The following TLE7 variants were observed in gnomAD, a reference collection of about 807,000 sequenced individuals.
The protein encoded by TLE7 is TLE family member 7.
intron 9 of TLE7, 97 bp downstream of exon 9, chr16:71,430,571 A>C (rs1252185989): frequency 2.5e-6 from 1 of 397,758 alleles, no homozygotes; most frequent in African/African-American, 2.1e-5. Context: ...CTGCCATCTC[A>C]GAGGTGTTTT....
At chr16:71,433,447 G>C (rs1188225164) in intron 1 of TLE7, 27 bp from the exon 2 acceptor site, 1 of 397,670 alleles carries the variant, frequency 2.5e-6, no homozygotes, top group Admixed American at 4.4e-5. Flanking sequence ...AAGAGACGCA[G>C]CTATGCACAT....
intron 1 of TLE7, among the ~76,000 whole-genome samples, chr16:71,436,065 A>C (rs905780671): frequency 6.6e-6 from 1 of 152,172 alleles, no homozygotes; most frequent in African/African-American, 2.4e-5. Flanking sequence ...CTAGGAACAC[A>C]GAGCTCCCCA....
intron 1 of TLE7, among the ~76,000 whole-genome samples, chr16:71,439,058 C>T (rs1217861272): frequency 6.6e-6 from 1 of 152,200 alleles, no homozygotes; most frequent in African/African-American, 2.4e-5. Context: ...TCTTACTGAC[C>T]CCCGCTGTGC....
At chr16:71,441,731 C>G (rs997481024) in intron 1 of TLE7, among the ~76,000 whole-genome samples, 7 of 152,240 alleles carry the variant, frequency 4.6e-5, no homozygotes, top group South Asian at 2.1e-4. Flanking sequence ...TCCCCTGCCC[C>G]CTTCCAGACC....
intron 1 of TLE7, among the ~76,000 whole-genome samples, chr16:71,439,591 C>G (rs2042839546): frequency 6.6e-6 from 1 of 152,066 alleles, no homozygotes; most frequent in Admixed American, 6.6e-5. Context: ...AGACTGGAGG[C>G]TGGGAACCAG....
At chr16:71,441,141 C>T (rs2042846207) in intron 1 of TLE7, among the ~76,000 whole-genome samples, 2 of 152,256 alleles carry the variant, frequency 1.3e-5, no homozygotes, top group South Asian at 4.1e-4. Flanking sequence ...CAGTCACTCT[C>T]AGGAGCCCGC....
chr16:71,435,990 G>T (rs2042824670), intron 1 of TLE7, among the ~76,000 whole-genome samples: 2 of 152,108 alleles, frequency 1.3e-5, no homozygotes, highest in South Asian at 4.1e-4. Flanking sequence ...ATAAAACAAG[G>T]CTTTCTAGAA....
At chr16:71,440,112 C>T (rs1400856589) in intron 1 of TLE7, among the ~76,000 whole-genome samples, 1 of 152,228 alleles carries the variant, frequency 6.6e-6, no homozygotes, top group Non-Finnish European at 1.5e-5. Context: ...AAGGCCAATA[C>T]TGCATGATTC....
chr16:71,433,950 T>G (rs544102834), intron 1 of TLE7, among the ~76,000 whole-genome samples: 1 of 152,260 alleles, frequency 6.6e-6, no homozygotes, highest in Non-Finnish European at 1.5e-5. Context: ...AAAGCAAGAC[T>G]CCGTCTCAAA....
In TLE7 at chr16:71,431,052, C is replaced by T. The variant is rs1488821429; in HGVS notation, c.1147+69G>A. On this transcript the variant is annotated intron_variant, in intron 8 of 9. Transcript: ENST00000561754. This position sits in a 1 kb window ranked among gnomAD's most constrained non-coding sequence, Gnocchi z 4.5. ...AGCCAGAAAAGGAAAGGGGGGTGAACAGAGAAAGAAGAGACGACAGCAAGT... is the reference window on the plus strand; with the variant it reads ...AGCCAGAAAAGGAAAGGGGGGTGAATAGAGAAAGAAGAGACGACAGCAAGT... The T allele has an allele frequency of 7.5e-6, 3 of 400,406 alleles. No homozygotes were observed. The highest frequency in any genetic ancestry group is 1.3e-5 in the Non-Finnish European group (3 of 226,224). 24.8% of individuals were successfully genotyped at this position (400,406 alleles called of 1,614,324 possible). A position where few individuals can be genotyped will look rare whatever the true frequency, so the allele number is the denominator to read the frequency against.
intron 1 of TLE7, among the ~76,000 whole-genome samples, chr16:71,441,690 A>T (rs76475483): frequency 2.0e-5 from 3 of 152,202 alleles, no homozygotes. Flanking sequence ...CCCACCGCGC[A>T]GGGCGCAGAC....
In TLE7 at chr16:71,436,745, C is replaced by T. The variant is rs554286263; in HGVS notation, c.-96-3325G>A. On this transcript the variant is annotated intron_variant, in intron 1 of 9. Transcript: ENST00000561754. ...GGGACACGGGGCCGCTTTCCTCTTC[C>T]TCCCCTGCTCTGGCCTGAGCGTGCC... Among the ~76,000 whole-genome samples, 76 of 152,362 alleles carry T rather than the reference C, an allele frequency of 5.0e-4. 1 individual carries two copies. Among genetic ancestry groups the T allele is most frequent in the African/African-American group, 1.2e-3 (51 of 41,588 alleles).
chr16:71,436,099 T>A (rs1596986358), intron 1 of TLE7, among the ~76,000 whole-genome samples: 1 of 151,926 alleles, frequency 6.6e-6, no homozygotes, highest in African/African-American at 2.4e-5. Flanking sequence ...CAACTCTCTT[T>A]CCAAAGCCCC....
chr16:71,432,272 G>A lies in TLE7; in HGVS notation c.447C>T (p.Ser149=). ...VVRQKRAPQG[S]WKVGTLFHGK... ...CATGGAAGAGTGTGCCAACCTTCCA[G>A]GAGCCCTGTGGGGCCCTCTTCTGCC... Residue 149 remains serine (S), a synonymous_variant, in exon 5 of 10, where the codon TCC becomes TCT. Coordinates refer to ENST00000561754, the MANE Select transcript of TLE7 (RefSeq NM_001367365.2). 3 of 400,712 alleles carry A rather than the reference G, an allele frequency of 7.5e-6. No individual in the cohort carries two copies. Among genetic ancestry groups the A allele is most frequent in the Non-Finnish European group, 8.8e-6 (2 of 226,240 alleles). The allele number at this position is 400,712 out of a possible 1,614,324, so 24.8% of individuals were successfully genotyped here.
At chr16:71,435,789 T>C (rs1043959794) in intron 1 of TLE7, among the ~76,000 whole-genome samples, 2 of 152,214 alleles carry the variant, frequency 1.3e-5, no homozygotes, top group African/African-American at 4.8e-5. Context: ...TTAAATAATT[T>C]AACGCACTCT....
At chr16:71,438,440 A>AAAAG (rs1555529925) in intron 1 of TLE7, among the ~76,000 whole-genome samples, 78 of 131,388 alleles carry the variant, frequency 5.9e-4, no homozygotes, top group Non-Finnish European at 8.4e-4. Flanking sequence ...AAAAAAAAAA[A>AAAAG]AGAGAGAGAG....
Position 71,432,203 on chromosome 16 carries a change from G to C in TLE7, c.516C>G (p.His172Gln). 1 of 400,846 alleles carries C rather than the reference G, an allele frequency of 2.5e-6. No homozygotes were observed. The highest frequency in any genetic ancestry group is 4.4e-6 in the Non-Finnish European group (1 of 226,280). The allele number at this position is 400,846 out of a possible 1,614,324, so 24.8% of individuals were successfully genotyped here. The change falls in exon 5 of 10, where the codon CAC (histidine) becomes CAG (glutamine). Residue 172 changes from histidine to glutamine, a missense_variant. By Grantham distance (24) the His-to-Gln change is conservative. Transcript: ENST00000561754. ...TGTAGCCAGAGCCACACGTGTACAC[G>C]TGGTGGGTTGAGCCGCTGATGGCCA... ...YAVAISGSTH[H>Q]VYTCGSGYIR...
In TLE7 at chr16:71,431,829, G is replaced by T; in HGVS notation, c.783C>A (p.Ala261=). The T allele has an allele frequency of 2.5e-6, 1 of 400,752 alleles. No individual in the cohort carries two copies. The highest frequency in any genetic ancestry group is 3.6e-5 in the East Asian group (1 of 28,040). The allele number at this position is 400,752 out of a possible 1,614,324, so 24.8% of individuals were successfully genotyped here. Residue 261 remains alanine (A), a synonymous_variant, in exon 6 of 10, where the codon GCC becomes GCA. Coordinates refer to ENST00000561754, the MANE Select transcript of TLE7 (RefSeq NM_001367365.2). The surrounding 1 kb of genome is among the most constrained non-coding windows in gnomAD (Gnocchi z 4.5). ...CATGGAAACAAGCCAAACAGATATG[G>T]GCATCAGAGGAGACAGCCAGAGAAT... ...TCYSLAVSSD[A]HICLACFHGF...
At chr16:71,438,709 AG>A (rs1189036769) in intron 1 of TLE7, among the ~76,000 whole-genome samples, 1 of 151,242 alleles carries the variant, frequency 6.6e-6, no homozygotes, top group African/African-American at 2.4e-5. Flanking sequence ...AAGCGAAAAT[AG>A]GGACAGCCCG....
Sources: allele counts gnomAD v4.1 joint callset (sites outside exome capture counted in the v4.1 genomes callset), GRCh38; gene constraint gnomAD v4.1.1; non-coding constraint Gnocchi (gnomAD v3.1); transcripts MANE v1.5; gene names NCBI Gene and HGNC (gene_info 2026-07-23, HGNC 2026-07-21).